UBE2H: variants seen among roughly 807,000 people sequenced by gnomAD.
The protein encoded by UBE2H is ubiquitin conjugating enzyme E2 H.
UBE2H carries 3 observed loss-of-function variants against 29.0 expected under a neutral mutation model. The ratio of observed to expected loss-of-function variants is 0.10; its 90% CI spans 0.05 to 0.27. The LOEUF is 0.27. Ranked by LOEUF, UBE2H falls within the 10% of genes least tolerant of loss-of-function variation. The probability of loss-of-function intolerance (pLI) is 1.00; values close to 1 mark genes in which losing one functional copy is unlikely to be tolerated. For synonymous variants in UBE2H, 69 were observed against 82.9 expected (o/e 0.83, Z 0.91); for missense variants, 68 against 228.2 (o/e 0.30, Z 4.52).
rs545929216 is a variant in UBE2H, at chr7:129,931,196, G to A, written c.53+21307C>T. ...AGATTGTGCCACTGCACTCCAGCCT[G>A]GGCAACAAGAGCAAAACCCTGTCTC... is the stretch of plus-strand genomic sequence containing the variant. On this transcript the variant is annotated intron_variant, in intron 1 of 6. Coordinates refer to ENST00000355621, the MANE Select transcript of UBE2H (RefSeq NM_003344.4). Among the ~76,000 whole-genome samples the A allele has an allele frequency of 2.0e-5, 3 of 151,700 alleles. No homozygotes were observed. The South Asian group carries it at 6.3e-4, about 32-fold the overall frequency.
intron 1 of UBE2H, among the ~76,000 whole-genome samples, chr7:129,934,999 G>GTATATATATGTGTGTGTA (rs530473433): frequency 6.6e-6 from 1 of 150,542 alleles, no homozygotes; most frequent in African/African-American, 2.5e-5. Context: ...ATATGTGTGT[G>GTATATATATGTGTGTGTA]TATATGTGTG....
chr7:129,890,764 C>T (rs2116397379), intron 1 of UBE2H, among the ~76,000 whole-genome samples: 1 of 152,134 alleles, frequency 6.6e-6, no homozygotes, highest in South Asian at 2.1e-4. Flanking sequence ...CTTTTGAAAA[C>T]ACTAAATTTG....
intron 3 of UBE2H, among the ~76,000 whole-genome samples, chr7:129,859,306 G>T (rs1348484999): frequency 2.0e-5 from 3 of 152,206 alleles, no homozygotes; most frequent in Non-Finnish European, 4.4e-5. Flanking sequence ...CAGAAGTTTT[G>T]TTGTTCAAGC....
At chr7:129,871,372 A>G (rs1806026076) in intron 3 of UBE2H, among the ~76,000 whole-genome samples, 1 of 152,126 alleles carries the variant, frequency 6.6e-6, no homozygotes, top group African/African-American at 2.4e-5. Flanking sequence ...TTTTTACAAA[A>G]CCTTCCTTAC....
chr7:129,894,740 C>T (rs987978899), intron 1 of UBE2H, among the ~76,000 whole-genome samples: 3 of 151,986 alleles, frequency 2.0e-5, no homozygotes, highest in African/African-American at 7.2e-5. Context: ...CCACTGGCCT[C>T]AGCCTCCCAA....
At chr7:129,837,756 T>G (rs1004495101) in intron 6 of UBE2H, among the ~76,000 whole-genome samples, 2 of 151,932 alleles carry the variant, frequency 1.3e-5, no homozygotes, top group African/African-American at 2.4e-5. Flanking sequence ...CAAGGCACAG[T>G]AGGAAGTGGG....
intron 1 of UBE2H, among the ~76,000 whole-genome samples, chr7:129,932,246 CCT>C (rs1003719710): frequency 1.1e-4 from 16 of 151,560 alleles, no homozygotes; most frequent in Admixed American, 6.6e-4. Context: ...GCCTCAGCCC[CCT>C]GAGTAGCTGG....
rs147228151 is a variant in UBE2H, at chr7:129,924,616, TCACACA to T, written c.53+27881_53+27886del. On this transcript the variant is annotated intron_variant, in intron 1 of 6. Coordinates refer to ENST00000355621, the MANE Select transcript of UBE2H (RefSeq NM_003344.4). The stretch of plus-strand genomic sequence containing the variant: ...ATATGGTTGTGAAGGCCTTTTACAT[TCACACA>T]CACACACACACACACACACACACAC... 2.3e-3 allele frequency among the ~76,000 whole-genome samples: 329 copies of T among 144,010 alleles called. 2 individuals carry two copies. Among genetic ancestry groups the T allele is most frequent in the South Asian group, 8.8e-3 (39 of 4,434 alleles). The allele number at this position is 144,010 out of a possible 152,430, so 94.5% of individuals were successfully genotyped here.
intron 3 of UBE2H, among the ~76,000 whole-genome samples, chr7:129,862,195 A>G (rs886216188): frequency 6.6e-6 from 1 of 152,214 alleles, no homozygotes; most frequent in Non-Finnish European, 1.5e-5. Flanking sequence ...TTAATGCAAG[A>G]GAATGGTCCT....
chr7:129,884,835 G>A lies in UBE2H; in HGVS notation c.54-3864C>T, dbSNP rs533372398. ...TGGGCTCAAGTGATCCTCCCACCTC[G>A]GCTTCCCAGAGTGCTGGGATTATAG... On this transcript the variant is annotated intron_variant, in intron 1 of 6. Coordinates refer to ENST00000355621, the MANE Select transcript of UBE2H (RefSeq NM_003344.4). Among the ~76,000 whole-genome samples, 7 of 151,930 alleles carry A rather than the reference G, an allele frequency of 4.6e-5. No homozygotes were observed. The South Asian group carries it at 1.5e-3, about 32-fold the overall frequency.
Position 129,830,794 on chromosome 7 carries a change from A to G in UBE2H, c.*4143T>C, listed in dbSNP as rs187073064. On this transcript the variant is annotated 3_prime_UTR_variant, in exon 7 of 7. Coordinates refer to ENST00000355621, the MANE Select transcript of UBE2H (RefSeq NM_003344.4). The stretch of plus-strand genomic sequence containing the variant: ...ACAGTTTTCATTATACACAACTATT[A>G]AGAGGTTATAGTCAGAGGAGGCATG... 1 of 148,404 alleles carries G rather than the reference A, an allele frequency of 6.7e-6. No individual in the cohort carries two copies. Among genetic ancestry groups the G allele is most frequent in the Admixed American group, 6.7e-5 (1 of 14,820 alleles). The allele number at this position is 148,404 out of a possible 1,614,324, so 9.2% of individuals were successfully genotyped here. A position where few individuals can be genotyped will look rare whatever the true frequency, so the allele number is the denominator to read the frequency against.
At chr7:129,900,095 A>T (rs933233068) in intron 1 of UBE2H, among the ~76,000 whole-genome samples, 1 of 151,470 alleles carries the variant, frequency 6.6e-6, no homozygotes, top group African/African-American at 2.4e-5. Context: ...ACATCACTGC[A>T]CTCCAGCCTG....
At chr7:129,860,989 A>G (rs1805790158) in intron 3 of UBE2H, among the ~76,000 whole-genome samples, 1 of 152,332 alleles carries the variant, frequency 6.6e-6, no homozygotes, top group South Asian at 2.1e-4. Context: ...TGGGAGGCCA[A>G]GGTGGGTGGA....
chr7:129,917,015 C>T (rs1230326524), intron 1 of UBE2H, among the ~76,000 whole-genome samples: 4 of 139,170 alleles, frequency 2.9e-5, no homozygotes, highest in Admixed American at 7.9e-5. Flanking sequence ...TCAGCCTGGG[C>T]GACACAGCAA....
intron 1 of UBE2H, among the ~76,000 whole-genome samples, chr7:129,946,689 G>A (rs540151586): frequency 2.8e-4 from 42 of 152,124 alleles, no homozygotes; most frequent in East Asian, 5.8e-4. Flanking sequence ...TCTGTCCCCC[G>A]GGCTGGAGTG....
At chr7:129,904,950 G>C (rs1364544167) in intron 1 of UBE2H, among the ~76,000 whole-genome samples, 2 of 151,990 alleles carry the variant, frequency 1.3e-5, no homozygotes, top group African/African-American at 4.8e-5. Flanking sequence ...AAATGCAATG[G>C]GAGATTAGCA....
At chr7:129,852,409 G>C (rs1337973033) in intron 5 of UBE2H, among the ~76,000 whole-genome samples, 1 of 151,936 alleles carries the variant, frequency 6.6e-6, no homozygotes, top group Non-Finnish European at 1.5e-5. Context: ...GGAGCTCGCA[G>C]TGAACTGAGA....
chr7:129,949,522 A>T (rs1223000229), intron 1 of UBE2H, among the ~76,000 whole-genome samples: 1 of 152,182 alleles, frequency 6.6e-6, no homozygotes. Flanking sequence ...GGATCAGAAG[A>T]GAAACAATGA....
In UBE2H at chr7:129,836,677, C is replaced by T. The variant is rs548613012; in HGVS notation, c.428-1616G>A. On this transcript the variant is annotated intron_variant, in intron 6 of 6. Transcript: ENST00000355621. The stretch of plus-strand genomic sequence containing the variant: ...GGTATATCACCTGAGGTTAGGACTT[C>T]GAGACCAGCCTGGCCAACATGGTGA... Among the ~76,000 whole-genome samples the T allele has an allele frequency of 2.0e-5, 3 of 152,006 alleles. No individual in the cohort carries two copies. The South Asian group carries it at 6.2e-4, about 32-fold the overall frequency.
Sources: allele counts gnomAD v4.1 joint callset (sites outside exome capture counted in the v4.1 genomes callset), GRCh38; gene constraint gnomAD v4.1.1; transcripts MANE v1.5; gene names NCBI Gene and HGNC (gene_info 2026-07-23, HGNC 2026-07-21).